The following GPC5 variants were observed in gnomAD, a reference collection of about 807,000 sequenced individuals.
GPC5 encodes the protein glypican 5, also known as glypican-5.
In GPC5, 47 loss-of-function variants were observed where a neutral mutation model predicts 53.9. The ratio of observed to expected loss-of-function variants is 0.87; its 90% CI spans 0.69 to 1.11. The LOEUF is 1.11. Ranked by LOEUF, GPC5 falls within the 50% of genes most tolerant of loss-of-function variation. The pLI is 0.00. For missense variants in GPC5, 748 were observed against 713.1 expected (o/e 1.05, Z -0.56); for synonymous variants, 286 against 263.3 (o/e 1.09, Z -0.84).
At position 91,601,477 on chromosome 13, in the gene GPC5, G is replaced by T. The variant is rs988585612; in HGVS notation, c.326-91710G>T. ...GGGCCGTGGACCCCTACCAGTCCGT[G>T]GCCTGTTAGGAACCGGGCCACATAG... is the stretch of plus-strand genomic sequence containing the variant. On this transcript the variant is annotated intron_variant, in intron 2 of 7. Transcript: ENST00000377067. Among the ~76,000 whole-genome samples the T allele has an allele frequency of 4.6e-5, 7 of 152,232 alleles. No homozygotes were observed. In the South Asian group the frequency reaches 1.2e-3, roughly 27 times the overall value.
intron 2 of GPC5, among the ~76,000 whole-genome samples, chr13:91,682,680 G>C (rs1000631325): frequency 2.6e-4 from 40 of 152,202 alleles, no homozygotes; most frequent in Admixed American, 2.6e-3. Context: ...GGTACAGTCA[G>C]TCTTAGGACA....
intron 7 of GPC5, among the ~76,000 whole-genome samples, chr13:92,566,439 G>A (rs1428297486): frequency 1.3e-5 from 2 of 152,066 alleles, no homozygotes; most frequent in South Asian, 4.1e-4. Context: ...GAAGAATATG[G>A]AAAATAAGCT....
At chr13:92,017,020 A>G (rs2040713791) in intron 6 of GPC5, among the ~76,000 whole-genome samples, 1 of 152,158 alleles carries the variant, frequency 6.6e-6, no homozygotes, top group Admixed American at 6.5e-5. Context: ...AGAGGGGAAC[A>G]ATGGCCTGTC....
At chr13:92,494,239 G>A (rs1319663452) in intron 7 of GPC5, among the ~76,000 whole-genome samples, 16 of 150,388 alleles carry the variant, frequency 1.1e-4, no homozygotes, top group East Asian at 2.0e-4. Context: ...ACAGGCGCCC[G>A]CCACTACGCC....
chr13:92,453,238 A>T (rs994828739), intron 7 of GPC5, among the ~76,000 whole-genome samples: 2 of 152,230 alleles, frequency 1.3e-5, no homozygotes, highest in Non-Finnish European at 2.9e-5. Flanking sequence ...TGTACATAGC[A>T]TTGAAAGCGA....
At chr13:91,460,161 A>C (rs76938968) in intron 2 of GPC5, among the ~76,000 whole-genome samples, 4,088 of 152,208 alleles carry the variant, frequency 0.027, 79 homozygotes, top group South Asian at 0.041. Flanking sequence ...TGAACTTAAG[A>C]CTCTTGGGAC....
At chr13:92,619,829 A>G (rs1024744049) in intron 7 of GPC5, among the ~76,000 whole-genome samples, 1 of 152,064 alleles carries the variant, frequency 6.6e-6, no homozygotes, top group African/African-American at 2.4e-5. Context: ...CCAAAGTGAA[A>G]AGGAAATAAT....
chr13:91,829,852 G>A (rs1275131635), intron 5 of GPC5, among the ~76,000 whole-genome samples: 1 of 152,062 alleles, frequency 6.6e-6, no homozygotes, highest in Non-Finnish European at 1.5e-5. Flanking sequence ...AATAGGGTGT[G>A]GGTCACAGAC....
chr13:92,748,547 TCCTGACCTTGTGATCCA>T (rs1889300076), intron 7 of GPC5, among the ~76,000 whole-genome samples: 2 of 151,874 alleles, frequency 1.3e-5, no homozygotes, highest in African/African-American at 4.8e-5. Flanking sequence ...GGTCTTGAAC[TCCTGACCTTGTGATCCA>T]CCTGCCTCGG....
chr13:92,753,561 CA>C (rs1874695398), intron 7 of GPC5, among the ~76,000 whole-genome samples: 1 of 151,922 alleles, frequency 6.6e-6, no homozygotes, highest in African/African-American at 2.4e-5. Context: ...AAACCAAAGG[CA>C]AAGAAGTTGA....
intron 6 of GPC5, among the ~76,000 whole-genome samples, chr13:92,066,278 A>G (rs2041166924): frequency 6.6e-6 from 1 of 152,094 alleles, no homozygotes; most frequent in Non-Finnish European, 1.5e-5. Context: ...TGATTTATAC[A>G]GAGAAGGGAT....
intron 7 of GPC5, among the ~76,000 whole-genome samples, chr13:92,757,315 T>C (rs1056872726): frequency 2.0e-5 from 3 of 152,172 alleles, no homozygotes; most frequent in Admixed American, 6.5e-5. Flanking sequence ...CCTTACACCT[T>C]ATACAAAAAT....
chr13:92,654,488 A>C (rs2139171788), intron 7 of GPC5, among the ~76,000 whole-genome samples: 1 of 149,720 alleles, frequency 6.7e-6, no homozygotes, highest in Non-Finnish European at 1.5e-5. Context: ...GTGCTGATAT[A>C]GGATGACCAT....
At chr13:91,838,871 A>C (rs1009256949) in intron 5 of GPC5, among the ~76,000 whole-genome samples, 2 of 152,124 alleles carry the variant, frequency 1.3e-5, no homozygotes, top group African/African-American at 4.8e-5. Flanking sequence ...TGTATGTTTC[A>C]TTTTCCTAGT....
At chr13:92,502,660 T>C (rs1880233322) in intron 7 of GPC5, among the ~76,000 whole-genome samples, 1 of 152,020 alleles carries the variant, frequency 6.6e-6, no homozygotes, top group Admixed American at 6.6e-5. Context: ...ACAATCCCAA[T>C]GTGTATGAAC....
At chr13:92,145,518 T>C (rs2041860866) in intron 7 of GPC5, among the ~76,000 whole-genome samples, 1 of 152,040 alleles carries the variant, frequency 6.6e-6, no homozygotes, top group Non-Finnish European at 1.5e-5. Context: ...ATTTTGATTG[T>C]ATGGATTTGA....
At chr13:91,459,980 G>T (rs1881826133) in intron 2 of GPC5, among the ~76,000 whole-genome samples, 2 of 152,154 alleles carry the variant, frequency 1.3e-5, no homozygotes, top group Non-Finnish European at 2.9e-5. Context: ...AAACTTTGAA[G>T]GGGGAATATG....
intron 2 of GPC5, among the ~76,000 whole-genome samples, chr13:91,570,685 T>C (rs1003690180): frequency 4.6e-5 from 7 of 152,166 alleles, no homozygotes; most frequent in African/African-American, 1.4e-4. Context: ...AGAATCCAAG[T>C]GTTTAAAGTT....
chr13:92,715,577 A>T (rs1197260594), intron 7 of GPC5, among the ~76,000 whole-genome samples: 1 of 152,202 alleles, frequency 6.6e-6, no homozygotes, highest in Non-Finnish European at 1.5e-5. Context: ...ATCAGTAATA[A>T]TGCTATCTGG....
Sources: gnomAD v4.1 joint callset for allele counts (sites outside exome capture counted in the v4.1 genomes callset) on GRCh38, gnomAD v4.1.1 for gene constraint, MANE v1.5 for transcripts, NCBI Gene and HGNC (gene_info 2026-07-23, HGNC 2026-07-21) for gene names.